Variants in MELK observed in about 807,000 individuals in gnomAD.
The protein encoded by MELK is pEg3 kinase.
A neutral mutation model predicts 85.0 loss-of-function variants in MELK; 81 were observed. The ratio of observed to expected loss-of-function variants is 0.95; its 90% CI spans 0.80 to 1.15. The LOEUF is 1.15. Among genes scored for constraint, MELK ranks in the 50% most tolerant of loss-of-function variants. MELK has a pLI of 0.00. For missense variants in MELK, 754 were observed against 777.5 expected (o/e 0.97, Z 0.36); for synonymous variants, 252 against 265.0 (o/e 0.95, Z 0.48).
chr9:36,638,307 T>C (rs542757060), intron 10 of MELK, among the ~76,000 whole-genome samples: 4 of 152,186 alleles, frequency 2.6e-5, no homozygotes, highest in African/African-American at 9.6e-5. Flanking sequence ...TTTTTTGAAA[T>C]GGAGTTTCGT....
chr9:36,593,104 C>T (rs1177918705), intron 4 of MELK, among the ~76,000 whole-genome samples: 2 of 151,338 alleles, frequency 1.3e-5, no homozygotes, highest in East Asian at 1.9e-4. Flanking sequence ...TTTTGTAAGC[C>T]ACTATATCAA....
chr9:36,588,230 ATT>A (rs1823152645), intron 3 of MELK, among the ~76,000 whole-genome samples: 1 of 145,994 alleles, frequency 6.8e-6, no homozygotes, highest in Non-Finnish European at 1.5e-5. Context: ...CTAATTTTGT[ATT>A]TTTAATTTTG....
chr9:36,627,942 C>A (rs1359978806), intron 8 of MELK, among the ~76,000 whole-genome samples: 1 of 152,062 alleles, frequency 6.6e-6, no homozygotes, highest in Non-Finnish European at 1.5e-5. Flanking sequence ...ACTCTTGTTG[C>A]CCAGGCTGGA....
At chr9:36,583,452 G>A (rs1822473283) in intron 2 of MELK, among the ~76,000 whole-genome samples, 175 bp from the exon 3 acceptor site, 1 of 142,678 alleles carries the variant, frequency 7.0e-6, no homozygotes, top group Non-Finnish European at 1.5e-5. Flanking sequence ...CACTATCATG[G>A]TTAAAAAAAA....
chr9:36,606,656 T>G (rs950038474), intron 7 of MELK: 1 of 146,624 alleles, frequency 6.8e-6, no homozygotes, highest in Non-Finnish European at 1.5e-5. Flanking sequence ...TGGACACATA[T>G]GTATATGTAT....
At chr9:36,626,506 G>T (rs373232475) in intron 8 of MELK, among the ~76,000 whole-genome samples, 2 of 152,146 alleles carry the variant, frequency 1.3e-5, no homozygotes, top group Non-Finnish European at 2.9e-5. Flanking sequence ...ACACTTACAC[G>T]TAGACATATA....
At chr9:36,670,594 AGT>A (rs1832793784) in intron 15 of MELK, among the ~76,000 whole-genome samples, 1 of 151,382 alleles carries the variant, frequency 6.6e-6, no homozygotes, top group Admixed American at 6.6e-5. Flanking sequence ...TATATATATC[AGT>A]GTATATCTAT....
At chr9:36,643,592 A>C (rs1219694711) in intron 11 of MELK, among the ~76,000 whole-genome samples, 2 of 152,018 alleles carry the variant, frequency 1.3e-5, no homozygotes, top group Admixed American at 1.3e-4. Context: ...AAAAATGAAC[A>C]CTCCATACTT....
intron 8 of MELK, among the ~76,000 whole-genome samples, chr9:36,615,397 A>AC (rs1481284353): frequency 0.035 from 2,905 of 82,408 alleles, 87 homozygotes; most frequent in African/African-American, 0.049. Flanking sequence ...CGGGGGGCTG[A>AC]CCCCCCCACC....
chr9:36,637,674 G>T (rs562648530), intron 10 of MELK, among the ~76,000 whole-genome samples: 2 of 152,166 alleles, frequency 1.3e-5, no homozygotes, highest in African/African-American at 4.8e-5. Context: ...GTAGAGCTGT[G>T]GGGTATTTGC....
intron 5 of MELK, among the ~76,000 whole-genome samples, chr9:36,596,228 C>T (rs1824217905): frequency 6.6e-6 from 1 of 152,186 alleles, no homozygotes; most frequent in Non-Finnish European, 1.5e-5. Flanking sequence ...ACTCTCAGAA[C>T]ACCAAGGAGA....
chr9:36,594,923 A>AAT, intron 5 of MELK, 152 bp downstream of exon 5: 1 of 683,634 alleles, frequency 1.5e-6, no homozygotes, highest in Non-Finnish European at 2.0e-6. Flanking sequence ...TTTTCCTCTT[A>AAT]CTTTTTTTTT....
In MELK at chr9:36,657,271, G is replaced by A. The variant is rs377133091; in HGVS notation, c.1084G>A (p.Ala362Thr). 7.6e-5 allele frequency: 122 copies of A among 1,613,026 alleles called. No individual in the cohort carries two copies. Among genetic ancestry groups the A allele is most frequent in the Non-Finnish European group, 9.3e-5 (110 of 1,179,732 alleles). ...TAATTGGAGTCTGGAAGATGTGACC[G>A]CAAGTGATAAAAATTATGTGGCGGG... ...SNNWSLEDVT[A>T]SDKNYVAGLI... Residue 362 changes from alanine (A) to threonine (T), a missense_variant, in exon 13 of 18, where the codon GCA becomes ACA. Ala to Thr is a moderately conservative substitution (Grantham distance 58). Coordinates refer to ENST00000298048, the MANE Select transcript of MELK (RefSeq NM_014791.4).
intron 11 of MELK, among the ~76,000 whole-genome samples, chr9:36,643,761 C>T (rs1003157972): frequency 3.9e-5 from 6 of 151,984 alleles, no homozygotes; most frequent in Admixed American, 6.6e-5. Flanking sequence ...AGTGAAACCC[C>T]GTCTCTACTA....
At chr9:36,647,697 T>C (rs1283118435) in intron 11 of MELK, among the ~76,000 whole-genome samples, 1 of 151,904 alleles carries the variant, frequency 6.6e-6, no homozygotes, top group Non-Finnish European at 1.5e-5. Flanking sequence ...CCATGTTGGC[T>C]GGGCTGGTCT....
In MELK at chr9:36,596,599, T is replaced by G. The variant is rs551827429; in HGVS notation, c.406-623T>G. 5.9e-5 allele frequency among the ~76,000 whole-genome samples: 8 copies of G among 135,170 alleles called. 1 individual carries two copies. The highest frequency in any genetic ancestry group is 7.6e-5 in the Non-Finnish European group (5 of 65,908). 88.7% of individuals were successfully genotyped at this position (135,170 alleles called of 152,430 possible). On this transcript the variant is annotated intron_variant, in intron 5 of 17. Coordinates refer to ENST00000298048, the MANE Select transcript of MELK (RefSeq NM_014791.4). The stretch of plus-strand genomic sequence containing the variant: ...TTTTTTTGTTTTTTTTGTTTTTTTT[T>G]TTTTGAGATGGAGTTTCGCTCTTGT...
intron 11 of MELK, among the ~76,000 whole-genome samples, chr9:36,645,578 G>A (rs1364376771): frequency 6.6e-6 from 1 of 152,004 alleles, no homozygotes; most frequent in East Asian, 1.9e-4. Context: ...TTCATACTTC[G>A]TTGAGTCCCA....
intron 14 of MELK, among the ~76,000 whole-genome samples, chr9:36,667,982 T>C (rs1170163598): frequency 6.6e-6 from 1 of 152,196 alleles, no homozygotes; most frequent in African/African-American, 2.4e-5. Flanking sequence ...TTGGGCAGGC[T>C]GCTCTCGAAA....
intron 14 of MELK, 84 bp downstream of exon 14, chr9:36,665,665 G>A (rs1832270998): frequency 1.0e-6 from 1 of 999,028 alleles, no homozygotes; most frequent in African/African-American, 1.7e-5. Context: ...GAAATGACTA[G>A]CATTGCTTTC....
Sources: gnomAD v4.1 joint callset for allele counts (sites outside exome capture counted in the v4.1 genomes callset) on GRCh38, gnomAD v4.1.1 for gene constraint, MANE v1.5 for transcripts, NCBI Gene and HGNC (gene_info 2026-07-23, HGNC 2026-07-21) for gene names.